The following C18orf54 variants were observed in gnomAD, a reference collection of about 807,000 sequenced individuals.
C18orf54 encodes the protein lung adenoma susceptibility protein 2.
A neutral mutation model predicts 49.3 loss-of-function variants in C18orf54; 49 were observed. The observed-to-expected ratio is 0.99, with a 90% CI of 0.79 to 1.26. The LOEUF (loss-of-function observed/expected upper bound fraction) is 1.26. C18orf54 is among the 50% of genes most tolerant of loss of function. The pLI, the probability that C18orf54 is intolerant of heterozygous loss-of-function variation, is 0.00. For missense variants in C18orf54, 687 were observed against 620.6 expected, an observed-to-expected ratio of 1.11 and a Z score of -1.14; for synonymous variants, 211 against 216.6, an observed-to-expected ratio of 0.97 and a Z score of 0.23.
At chr18:54,376,357 C>T (rs1321438529) in intron 8 of C18orf54, among the ~76,000 whole-genome samples, 3 of 152,212 alleles carry the variant, frequency 2.0e-5, no homozygotes, top group Non-Finnish European at 4.4e-5. Context: ...TGCCACCATG[C>T]CCGGCTAATT....
intron 8 of C18orf54, among the ~76,000 whole-genome samples, chr18:54,374,650 G>A (rs866423823): frequency 9.9e-5 from 15 of 151,672 alleles, no homozygotes; most frequent in African/African-American, 2.4e-4. Context: ...TAAATGGATC[G>A]TGATTTGGAA....
At chr18:54,366,403 T>G (rs55650283) in intron 6 of C18orf54, among the ~76,000 whole-genome samples, 111,810 of 151,816 alleles carry the variant, frequency 0.74, 41,662 homozygotes, top group African/African-American at 0.86. Context: ...TGCTCCTAGC[T>G]TATTTTACCT....
chr18:54,362,956 T>C, intron 5 of C18orf54, 35 bp downstream of exon 5: 1 of 1,562,304 alleles, frequency 6.4e-7, no homozygotes, highest in African/African-American at 1.4e-5. Context: ...TGTTTAGTTT[T>C]CCAAATGAAA....
intron 6 of C18orf54, 108 bp from the exon 7 acceptor site, chr18:54,372,358 T>C (rs1464810965): frequency 1.9e-6 from 2 of 1,078,124 alleles, no homozygotes; most frequent in Non-Finnish European, 2.5e-6. Context: ...ACATACATTG[T>C]TTGGAGTTTT....
chr18:54,359,169 A>G (rs1490152022), intron 2 of C18orf54, among the ~76,000 whole-genome samples: 3 of 152,262 alleles, frequency 2.0e-5, no homozygotes, highest in African/African-American at 7.2e-5. Flanking sequence ...AGACCAATAC[A>G]ACAGCTTTCT....
At chr18:54,373,205 T>C (rs147701882) in intron 7 of C18orf54, among the ~76,000 whole-genome samples, 1 of 151,868 alleles carries the variant, frequency 6.6e-6, no homozygotes, top group Non-Finnish European at 1.5e-5. Flanking sequence ...TTCCCAAATA[T>C]GATTGTGAAT....
chr18:54,379,946 A>G lies in C18orf54; in HGVS notation c.*1700A>G, dbSNP rs2089639017. ...CATGAGAACATATCTCCAATACTAAATGAGATAAGCCTGTTCTAAAATCTT... is the reference window on the plus strand; with the variant it reads ...CATGAGAACATATCTCCAATACTAAGTGAGATAAGCCTGTTCTAAAATCTT... On this transcript the variant is annotated 3_prime_UTR_variant, in exon 9 of 9. Transcript: ENST00000620105. The G allele has an allele frequency of 6.6e-6, 1 of 152,120 alleles. No individual in the cohort carries two copies. Among genetic ancestry groups the G allele is most frequent in the African/African-American group, 2.4e-5 (1 of 41,452 alleles). The allele number at this position is 152,120 out of a possible 1,614,324, so 9.4% of individuals were successfully genotyped here. A position where few individuals can be genotyped will look rare whatever the true frequency, so the allele number is the denominator to read the frequency against.
Position 54,362,120 on chromosome 18 carries a change from C to A in C18orf54, c.761C>A (p.Thr254Asn). Residue 254 changes from threonine (T) to asparagine (N), a missense_variant, in exon 4 of 9, where the codon ACT (threonine) becomes AAT (asparagine). Physicochemically the swap from Thr to Asn is moderately conservative, Grantham distance 65 (BLOSUM62 0). Coordinates refer to ENST00000620105, the MANE Select transcript of C18orf54 (RefSeq NM_001288980.2). Reference sequence around the variant, plus strand: ...TCTGACCTTAATGTTTCAGGGATAACTAGTATACCTGATTTCAAATACCCA... The same window carrying A: ...TCTGACCTTAATGTTTCAGGGATAAATAGTATACCTGATTTCAAATACCCA... ...QKSDLNVSGI[T>N]SIPDFKYPVW... 6.5e-7 allele frequency: 1 copy of A among 1,536,824 alleles called. No homozygotes were observed. The highest frequency in any genetic ancestry group is 8.7e-7 in the Non-Finnish European group (1 of 1,146,820).
At chr18:54,364,706 TC>T (rs11325364) in intron 5 of C18orf54, among the ~76,000 whole-genome samples, 111,846 of 151,916 alleles carry the variant, frequency 0.74, 41,669 homozygotes, top group African/African-American at 0.86. Flanking sequence ...TGTGTACTCT[TC>T]AACAATCTGG....
intron 4 of C18orf54, 69 bp from the exon 5 acceptor site, chr18:54,362,702 T>G: frequency 7.4e-7 from 1 of 1,345,272 alleles, no homozygotes; most frequent in Non-Finnish European, 1.0e-6. Flanking sequence ...CTTGTTGACT[T>G]TGTGAGATTT....
intron 7 of C18orf54, 116 bp downstream of exon 7, chr18:54,372,713 ATGT>A (rs112090169): frequency 7.4e-6 from 7 of 950,944 alleles, no homozygotes; most frequent in Non-Finnish European, 1.5e-6. Flanking sequence ...CACATTACAC[ATGT>A]TGTAAGTGGC....
Position 54,378,365 on chromosome 18 carries a change from G to A in C18orf54, c.*119G>A, listed in dbSNP as rs2089611836. On this transcript the variant is annotated 3_prime_UTR_variant, in exon 9 of 9. Transcript: ENST00000620105. ...ATACATTATTTTGTGGTTGGTTCAA[G>A]GATTATATATTTCTAAAACACTAAA... 2 of 842,170 alleles carry A rather than the reference G, an allele frequency of 2.4e-6. No individual in the cohort carries two copies. Among genetic ancestry groups the A allele is most frequent in the Admixed American group, 2.8e-5 (1 of 36,226 alleles). The allele number at this position is 842,170 out of a possible 1,614,324, so 52.2% of individuals were successfully genotyped here.
At position 54,360,627 on chromosome 18, in the gene C18orf54, G is replaced by C; in HGVS notation, c.55G>C (p.Ala19Pro). ...RLCSQESSVS[A>P]LLASCTLSGS... is the part of the protein sequence containing the mutation. ...TTGTTCTCAGGAATCTTCAGTATCTGCCCTGCTGGCAAGCTGCACCCTGAG... is the reference window on the plus strand; with the variant it reads ...TTGTTCTCAGGAATCTTCAGTATCTCCCCTGCTGGCAAGCTGCACCCTGAG... Residue 19 changes from alanine (A) to proline (P), a missense_variant, in exon 3 of 9, where the codon GCC becomes CCC. Ala to Pro is a conservative substitution (Grantham distance 27). Transcript: ENST00000620105. The C allele has an allele frequency of 6.2e-7, 1 of 1,614,070 alleles. No individual in the cohort carries two copies. Among genetic ancestry groups the C allele is most frequent in the Non-Finnish European group, 8.5e-7 (1 of 1,179,940 alleles).
chr18:54,359,290 A>T (rs1171263020), intron 2 of C18orf54, among the ~76,000 whole-genome samples: 1 of 152,238 alleles, frequency 6.6e-6, no homozygotes, highest in Non-Finnish European at 1.5e-5. Context: ...AAACTTCTTT[A>T]AATAAAAGGG....
rs530095874 is a variant in C18orf54 at position 54,359,042 on chromosome 18, G to GTA, written c.-47+175_-47+176dup. On this transcript the variant is annotated intron_variant, in intron 2 of 8. Transcript: ENST00000620105. The stretch of plus-strand genomic sequence containing the variant: ...GGGTTTATTGAACGATTCTACTTTT[G>GTA]TATACTCTTTTGGGGAAAAGTTGGA... 5.2e-3 allele frequency among the ~76,000 whole-genome samples: 791 copies of GTA among 152,192 alleles called. 2 individuals are homozygous for GTA. Among genetic ancestry groups the GTA allele is most frequent in the Non-Finnish European group, 8.8e-3 (601 of 68,016 alleles).
At chr18:54,374,312 A>G (rs1217377409) in intron 8 of C18orf54, 28 bp downstream of exon 8, 5 of 1,537,658 alleles carry the variant, frequency 3.3e-6, no homozygotes, top group Non-Finnish European at 4.4e-6. Context: ...ATATGGATAC[A>G]AATCCATCTT....
chr18:54,370,965 A>T (rs2089476509), intron 6 of C18orf54, among the ~76,000 whole-genome samples: 1 of 151,658 alleles, frequency 6.6e-6, no homozygotes. Context: ...TCTTTTTAAA[A>T]TGTTTCTTAT....
chr18:54,359,636 A>G (rs2089220793), intron 2 of C18orf54, among the ~76,000 whole-genome samples: 1 of 152,234 alleles, frequency 6.6e-6, no homozygotes, highest in Non-Finnish European at 1.5e-5. Flanking sequence ...TAAGTCCTCA[A>G]CATTAATACT....
intron 3 of C18orf54, 99 bp from the exon 4 acceptor site, chr18:54,361,544 G>A: frequency 9.3e-7 from 1 of 1,070,348 alleles, no homozygotes; most frequent in Non-Finnish European, 1.3e-6. Context: ...AGGATAAGGG[G>A]AAAGCAGCAA....
Sources: gnomAD v4.1 joint callset for allele counts (sites outside exome capture counted in the v4.1 genomes callset) on GRCh38, gnomAD v4.1.1 for gene constraint, MANE v1.5 for transcripts, NCBI Gene and HGNC (gene_info 2026-07-23, HGNC 2026-07-21) for gene names.